Variants in MTRF1L observed in about 807,000 individuals in gnomAD.
MTRF1L encodes mitochondrial translation release factor 1 like.
Under a neutral mutation model 40.0 loss-of-function variants are expected in MTRF1L, and 29 were observed. The observed-to-expected ratio is 0.73, with a 90% CI of 0.54 to 0.99. The LOEUF (loss-of-function observed/expected upper bound fraction) is 0.99. Among genes scored for constraint, MTRF1L ranks in the 50% least tolerant of loss-of-function variants. The pLI is 0.00. For missense variants in MTRF1L, 412 were observed against 464.5 expected, an observed-to-expected ratio of 0.89 and a Z score of 1.04; for synonymous variants, 150 against 175.8, an observed-to-expected ratio of 0.85 and a Z score of 1.16.
intron 1 of MTRF1L, among the ~76,000 whole-genome samples, chr6:153,001,934 TAACTA>T (rs1273835458): frequency 2.0e-5 from 3 of 152,232 alleles, no homozygotes; most frequent in Non-Finnish European, 4.4e-5. Context: ...GCAAGGTTCT[TAACTA>T]TTTTTCTGGC....
chr6:152,996,107 C>T (rs1263745036), intron 2 of MTRF1L, among the ~76,000 whole-genome samples: 1 of 152,138 alleles, frequency 6.6e-6, no homozygotes, highest in Non-Finnish European at 1.5e-5. Context: ...TTAAAACAAT[C>T]TTGGGTAAGT....
Position 152,994,496 on chromosome 6 carries a change from A to G in MTRF1L, c.687+17T>C. ...GTGCTAGGCCCGGGATTCCAAGGAG[A>G]GGGGCTTATGCCTTACCTCAGTAGG... On this transcript the variant is annotated intron_variant, in intron 4 of 6. Coordinates refer to ENST00000367233, the MANE Select transcript of MTRF1L (RefSeq NM_019041.7). 6.3e-7 allele frequency: 1 copy of G among 1,591,360 alleles called. No individual in the cohort carries two copies. The highest frequency in any genetic ancestry group is 8.6e-7 in the Non-Finnish European group (1 of 1,169,474).
In MTRF1L at chr6:152,992,845, A is replaced by AT. The variant is rs1562299232; in HGVS notation, c.805+11dup. ...TTCTTTGGTGTCATATATTGAAGGA[A>AT]TAAGTACACACCTGTTGGAAGATGA... is the stretch of plus-strand genomic sequence containing the variant. On this transcript the variant is annotated intron_variant, in intron 5 of 6. Coordinates refer to ENST00000367233, the MANE Select transcript of MTRF1L (RefSeq NM_019041.7). 2 of 1,592,300 alleles carry AT rather than the reference A, an allele frequency of 1.3e-6. No homozygotes were observed. Among genetic ancestry groups the AT allele is most frequent in the Admixed American group, 3.4e-5 (2 of 59,340 alleles).
Position 153,002,597 on chromosome 6 carries a change from C to G in MTRF1L, c.89G>C (p.Ser30Thr). The change falls in exon 1 of 7, where the codon AGC becomes ACC. Residue 30 changes from serine (S) to threonine (T), a missense_variant. Physicochemically the swap from Ser to Thr is moderately conservative, Grantham distance 58 (BLOSUM62 1). Transcript: ENST00000367233. ...GGTGAACAGCTCCTCCAGCGGCGGG[C>G]TACCGGAGCTCAGGGGCCGGCGGGC... ...GPARRPLSSGSPPLEELFTRG... is the reference protein window; with the variant it reads ...GPARRPLSSGTPPLEELFTRG... The G allele has an allele frequency of 6.4e-7, 1 of 1,551,514 alleles. No homozygotes were observed. The highest frequency in any genetic ancestry group is 8.7e-7 in the Non-Finnish European group (1 of 1,148,868).
At chr6:153,002,391 G>C (rs1778952820) in intron 1 of MTRF1L, 36 bp downstream of exon 1, 1 of 1,613,754 alleles carries the variant, frequency 6.2e-7, no homozygotes, top group African/African-American at 1.3e-5. Flanking sequence ...AGTCAAGAAT[G>C]TGCTCTGACG....
In MTRF1L at chr6:152,992,945, C is replaced by G. The variant is rs547542922; in HGVS notation, c.717G>C (p.Leu239Phe). The G allele has an allele frequency of 1.1e-5, 18 of 1,613,258 alleles. No homozygotes were observed. The highest frequency in any genetic ancestry group is 1.8e-4 in the Middle Eastern group (1 of 5,494). The change falls in exon 5 of 7, where the codon TTG (leucine) becomes TTC (phenylalanine). Residue 239 changes from leucine (L) to phenylalanine (F), a missense_variant. Leu to Phe is a conservative substitution (Grantham distance 22, BLOSUM62 0). Coordinates refer to ENST00000367233, the MANE Select transcript of MTRF1L (RefSeq NM_019041.7). Reference sequence around the variant, plus strand: ...CACTGGCTCGCTTAGTGTCAATTCTCAAATCTTTCGGATTAATCACCAGAT... The same window carrying G: ...CACTGGCTCGCTTAGTGTCAATTCTGAAATCTTTCGGATTAATCACCAGAT... ...EINLVINPKDLRIDTKRASGA... is the reference protein window; with the variant it reads ...EINLVINPKDFRIDTKRASGA...
At chr6:152,999,916 T>C (rs533633994) in intron 1 of MTRF1L, among the ~76,000 whole-genome samples, 7 of 152,314 alleles carry the variant, frequency 4.6e-5, no homozygotes, top group African/African-American at 1.4e-4. Flanking sequence ...AGGAATCTGT[T>C]GGTTTTGGAA....
chr6:152,996,232 A>G (rs1443833758), intron 2 of MTRF1L, among the ~76,000 whole-genome samples: 3 of 152,288 alleles, frequency 2.0e-5, no homozygotes, highest in East Asian at 3.9e-4. Flanking sequence ...TTGAACCTGA[A>G]TATACCTGAG....
intron 1 of MTRF1L, among the ~76,000 whole-genome samples, chr6:152,999,758 A>G (rs1255156276): frequency 2.0e-5 from 3 of 152,154 alleles, no homozygotes; most frequent in Non-Finnish European, 2.9e-5. Flanking sequence ...TTCCACCATG[A>G]TTGGGAGGCC....
chr6:152,994,398 A>T (rs1001926119), intron 4 of MTRF1L, 115 bp downstream of exon 4: 1 of 1,129,526 alleles, frequency 8.9e-7, no homozygotes, highest in Non-Finnish European at 1.2e-6. Flanking sequence ...TATGCAACTC[A>T]AAATACACAA....
chr6:152,995,352 T>A (rs1279825611), intron 2 of MTRF1L, 33 bp from the exon 3 acceptor site: 2 of 1,471,698 alleles, frequency 1.4e-6, no homozygotes, highest in Non-Finnish European at 1.8e-6. Context: ...CCTCCTATAA[T>A]TAAGATTTAA....
At chr6:153,001,793 T>C (rs1265882382) in intron 1 of MTRF1L, among the ~76,000 whole-genome samples, 1 of 152,254 alleles carries the variant, frequency 6.6e-6, no homozygotes, top group Non-Finnish European at 1.5e-5. Flanking sequence ...CCAGCGTTTC[T>C]GGAGAATACT....
At position 153,001,153 on chromosome 6, in the gene MTRF1L, G is replaced by A. The variant is rs912157025; in HGVS notation, c.259+1274C>T. On this transcript the variant is annotated intron_variant, in intron 1 of 6. Coordinates refer to ENST00000367233, the MANE Select transcript of MTRF1L (RefSeq NM_019041.7). ...CTCTCAAAGTGCTGGAATTAGAGGCGTGAGCCACCACGCCTGGCCAAGGAT... is the reference window on the plus strand; with the variant it reads ...CTCTCAAAGTGCTGGAATTAGAGGCATGAGCCACCACGCCTGGCCAAGGAT... 2.0e-5 allele frequency among the ~76,000 whole-genome samples: 3 copies of A among 152,182 alleles called. No homozygotes were observed. In the South Asian group the frequency reaches 6.2e-4, roughly 31 times the overall value.
At position 152,994,629 on chromosome 6, in the gene MTRF1L, T is replaced by G; in HGVS notation, c.571A>C (p.Arg191=). 6.2e-7 allele frequency: 1 copy of G among 1,614,150 alleles called. No individual in the cohort carries two copies. The highest frequency in any genetic ancestry group is 8.5e-7 in the Non-Finnish European group (1 of 1,180,010). The stretch of plus-strand genomic sequence containing the variant: ...ACACCTCCTTCAAATTTCATGTGCC[T>G]ATAGGCTTCTGAACCCCCAATGCTG... The part of the protein sequence containing the change: ...SASIGGSEAY[R]HMKFEGGVHR... Residue 191 remains arginine, a synonymous_variant, in exon 4 of 7, where the codon AGG becomes CGG. Coordinates refer to ENST00000367233, the MANE Select transcript of MTRF1L (RefSeq NM_019041.7).
intron 2 of MTRF1L, among the ~76,000 whole-genome samples, chr6:152,996,317 A>G (rs1235933603): frequency 6.6e-6 from 1 of 152,212 alleles, no homozygotes. Flanking sequence ...GCCTATGCCA[A>G]TACAACATTA....
At chr6:152,990,209 A>G (rs1778458581) in intron 6 of MTRF1L, 114 bp from the exon 7 acceptor site, 1 of 1,399,368 alleles carries the variant, frequency 7.1e-7, no homozygotes, top group East Asian at 2.4e-5. Flanking sequence ...AAATGCGAGA[A>G]CCAGGTTTTA....
intron 2 of MTRF1L, chr6:152,998,292 G>C (rs528519164): frequency 4.5e-6 from 1 of 221,934 alleles, no homozygotes; most frequent in African/African-American, 2.3e-5. Context: ...ACCATGTGAA[G>C]TTTGTTCTTT....
intron 4 of MTRF1L, among the ~76,000 whole-genome samples, chr6:152,993,344 GA>G (rs75641486): frequency 2.7e-5 from 4 of 150,468 alleles, no homozygotes; most frequent in African/African-American, 9.8e-5. Flanking sequence ...CTAGCAGCAG[GA>G]AAAAAAAATG....
At position 153,002,506 on chromosome 6, in the gene MTRF1L, C is replaced by T. The variant is rs774770409; in HGVS notation, c.180G>A (p.Arg60=). ...TGATCACCGCCAGCAACTCGGGCCT[C>T]CTGACCTTCAAATGGGCTTCAGACC... is the stretch of plus-strand genomic sequence containing the variant. ...QAGSEAHLKV[R]RPELLAVIKL... Residue 60 remains arginine (R), a synonymous_variant, in exon 1 of 7, where the codon AGG becomes AGA. Coordinates refer to ENST00000367233, the MANE Select transcript of MTRF1L (RefSeq NM_019041.7). 6.2e-7 allele frequency: 1 copy of T among 1,613,118 alleles called. No homozygotes were observed.
Sources: gnomAD v4.1 joint callset for allele counts (sites outside exome capture counted in the v4.1 genomes callset) on GRCh38, gnomAD v4.1.1 for gene constraint, MANE v1.5 for transcripts, NCBI Gene and HGNC (gene_info 2026-07-23, HGNC 2026-07-21) for gene names.